DPYD: variants seen among roughly 807,000 people sequenced by gnomAD.
DPYD encodes dihydropyrimidine dehydrogenase [NADP(+)].
Under a neutral mutation model 116.2 loss-of-function variants are expected in DPYD, and 109 were observed. The ratio of observed to expected loss-of-function variants is 0.94; its 90% CI spans 0.80 to 1.10. The LOEUF (loss-of-function observed/expected upper bound fraction) is 1.10. DPYD is among the 50% of genes least tolerant of loss of function. DPYD has a pLI of 0.00. For synonymous variants in DPYD, 440 were observed against 432.0 expected (o/e 1.02, Z -0.23); for missense variants, 1,302 against 1,254.5 (o/e 1.04, Z -0.57).
At chr1:97,265,967 T>C (rs991206699) in intron 18 of DPYD, among the ~76,000 whole-genome samples, 5 of 152,210 alleles carry the variant, frequency 3.3e-5, no homozygotes, top group African/African-American at 7.2e-5. Context: ...AGCATTTTAA[T>C]TGGTAAATAC....
chr1:97,624,781 T>C (rs866951241), intron 8 of DPYD, among the ~76,000 whole-genome samples: 22 of 151,992 alleles, frequency 1.4e-4, no homozygotes, highest in African/African-American at 5.1e-4. Flanking sequence ...CTATTCGGAC[T>C]TAAAAAAGGG....
intron 12 of DPYD, among the ~76,000 whole-genome samples, chr1:97,516,329 T>A (rs534125653): frequency 3.3e-4 from 50 of 152,164 alleles, no homozygotes; most frequent in African/African-American, 1.1e-3. Flanking sequence ...TCAGGAGGCC[T>A]AAATTCAATT....
At chr1:97,919,066 T>TA (rs1212864802) in intron 1 of DPYD, among the ~76,000 whole-genome samples, 1 of 152,224 alleles carries the variant, frequency 6.6e-6, no homozygotes, top group Non-Finnish European at 1.5e-5. Context: ...CCCCTAAGCT[T>TA]AATGTATTTT....
intron 7 of DPYD, among the ~76,000 whole-genome samples, chr1:97,682,175 T>C (rs1660459230): frequency 6.6e-6 from 1 of 151,964 alleles, no homozygotes; most frequent in Non-Finnish European, 1.5e-5. Context: ...TAATACACAA[T>C]AGTGTGCAAA....
intron 20 of DPYD, among the ~76,000 whole-genome samples, chr1:97,116,310 G>A (rs564457345): frequency 5.9e-5 from 9 of 152,062 alleles, no homozygotes; most frequent in East Asian, 1.9e-4. Flanking sequence ...GCCTTTTAAC[G>A]GGGGGGCTAT....
intron 3 of DPYD, among the ~76,000 whole-genome samples, chr1:97,818,062 A>T (rs926423552): frequency 1.3e-5 from 2 of 151,980 alleles, no homozygotes; most frequent in Non-Finnish European, 2.9e-5. Flanking sequence ...TAAGGGGAAA[A>T]TGCAGTTTTT....
chr1:97,241,026 T>A (rs1347542669), intron 18 of DPYD, among the ~76,000 whole-genome samples: 2 of 152,006 alleles, frequency 1.3e-5, no homozygotes, highest in Non-Finnish European at 2.9e-5. Context: ...AAGTTGATTA[T>A]TTGATGTTAT....
At chr1:97,591,355 G>T (rs1654504392) in intron 10 of DPYD, among the ~76,000 whole-genome samples, 2 of 152,132 alleles carry the variant, frequency 1.3e-5, no homozygotes. Context: ...GGTATCTTCT[G>T]TCACTAGGTA....
intron 13 of DPYD, among the ~76,000 whole-genome samples, chr1:97,491,175 C>T (rs552855781): frequency 0.013 from 1,907 of 145,312 alleles, 26 homozygotes; most frequent in Middle Eastern, 0.025. Flanking sequence ...ATACATTATT[C>T]GTAGTATATT....
chr1:97,325,691 G>A (rs1352952741), intron 16 of DPYD, among the ~76,000 whole-genome samples: 1 of 151,976 alleles, frequency 6.6e-6, no homozygotes, highest in Non-Finnish European at 1.5e-5. Context: ...TGAGAGAGAT[G>A]TGAGGAGACA....
At chr1:97,236,417 ATAAT>A in intron 18 of DPYD, among the ~76,000 whole-genome samples, 1 of 152,062 alleles carries the variant, frequency 6.6e-6, no homozygotes, top group Middle Eastern at 3.4e-3. Flanking sequence ...ATAAAATAAA[ATAAT>A]TAAATAAGAA....
intron 20 of DPYD, among the ~76,000 whole-genome samples, chr1:97,178,665 T>C (rs1657453623): frequency 6.6e-6 from 1 of 152,114 alleles, no homozygotes; most frequent in South Asian, 2.1e-4. Flanking sequence ...ACCATATAAA[T>C]GAACTTTTCC....
rs751284232 is a variant in DPYD at position 97,515,976 on chromosome 1, A to G, written c.1525-35T>C. Reference sequence around the variant, plus strand: ...ACAAACCAATACTTGGTTTCATATTACATCTAAATTGTCCATATAATATTT... The same window carrying G: ...ACAAACCAATACTTGGTTTCATATTGCATCTAAATTGTCCATATAATATTT... On this transcript the variant is annotated intron_variant, in intron 12 of 22. Transcript: ENST00000370192. 1.5e-5 allele frequency: 24 copies of G among 1,571,848 alleles called. No individual in the cohort carries two copies. In the South Asian group the frequency reaches 2.6e-4, roughly 17 times the overall value.
At chr1:97,517,889 T>G (rs2101982092) in intron 12 of DPYD, among the ~76,000 whole-genome samples, 1 of 152,254 alleles carries the variant, frequency 6.6e-6, no homozygotes, top group East Asian at 1.9e-4. Flanking sequence ...CTTCTCTTTT[T>G]ATGGCTGTGT....
At chr1:97,517,549 G>T (rs1306658151) in intron 12 of DPYD, among the ~76,000 whole-genome samples, 1 of 152,042 alleles carries the variant, frequency 6.6e-6, no homozygotes, top group African/African-American at 2.4e-5. Context: ...AAAACATACT[G>T]AAATTCAAAC....
chr1:97,777,015 T>C (rs1410038708), intron 3 of DPYD, among the ~76,000 whole-genome samples: 1 of 152,178 alleles, frequency 6.6e-6, no homozygotes. Flanking sequence ...AAAAGTTATA[T>C]ACTCTAAGTG....
chr1:97,883,596 G>A (rs1318388356), intron 1 of DPYD, among the ~76,000 whole-genome samples: 5 of 151,810 alleles, frequency 3.3e-5, no homozygotes, highest in South Asian at 2.1e-4. Flanking sequence ...ACAGGCGTAC[G>A]CTACCACACC....
intron 3 of DPYD, among the ~76,000 whole-genome samples, chr1:97,800,014 G>A (rs939763110): frequency 1.3e-5 from 2 of 151,880 alleles, no homozygotes; most frequent in Non-Finnish European, 2.9e-5. Flanking sequence ...GTCCTTTAGC[G>A]AAGGCACAAG....
intron 2 of DPYD, among the ~76,000 whole-genome samples, chr1:97,837,986 T>A (rs988109827): frequency 6.6e-6 from 1 of 152,234 alleles, no homozygotes; most frequent in Non-Finnish European, 1.5e-5. Flanking sequence ...ATATTTCTTA[T>A]TAAGTATATA....
Sources: gnomAD v4.1 joint callset for allele counts (sites outside exome capture counted in the v4.1 genomes callset) on GRCh38, gnomAD v4.1.1 for gene constraint, MANE v1.5 for transcripts, NCBI Gene and HGNC (gene_info 2026-07-23, HGNC 2026-07-21) for gene names.